GRID1: variants seen among roughly 807,000 people sequenced by gnomAD.
GRID1 encodes the protein glutamate receptor ionotropic, delta-1.
GRID1 carries 28 observed loss-of-function variants against 98.0 expected under a neutral mutation model. That is an observed-to-expected ratio of 0.29 (90% CI 0.21 to 0.39). The LOEUF (loss-of-function observed/expected upper bound fraction) is 0.39. GRID1 is among the 10% of genes least tolerant of loss of function. The probability of loss-of-function intolerance (pLI) is 1.00; values close to 1 mark genes in which losing one functional copy is unlikely to be tolerated. For missense variants in GRID1, 1,111 were observed against 1,340.5 expected (o/e 0.83, Z 2.67); for synonymous variants, 553 against 538.5 (o/e 1.03, Z -0.37).
At chr10:86,223,441 C>G (rs1003909821) in intron 2 of GRID1, among the ~76,000 whole-genome samples, 1 of 152,248 alleles carries the variant, frequency 6.6e-6, no homozygotes, top group Non-Finnish European at 1.5e-5. Flanking sequence ...TGCAGGCACA[C>G]CACCCACAGG....
intron 4 of GRID1, among the ~76,000 whole-genome samples, chr10:85,977,979 G>T (rs1305975436): frequency 6.6e-6 from 1 of 152,300 alleles, no homozygotes; most frequent in Middle Eastern, 3.4e-3. Flanking sequence ...ACATGAGAGT[G>T]CCGAGGTCAA....
chr10:85,724,389 G>T lies in GRID1; in HGVS notation c.1821C>A (p.Ser607Arg), dbSNP rs200091837. The stretch of plus-strand genomic sequence containing the variant: ...AGGCTCCATAGACAATCCAGATGGC[G>T]CTGTGCAGAGTGGCAGAAGCTGACG... ...PRPSASATLH[S>R]AIWIVYGAFV... Residue 607 changes from serine (S) to arginine (R), a missense_variant, in exon 11 of 16, where the codon AGC (serine) becomes AGA (arginine). Around this residue, in one of 3 missense-constraint regions of GRID1, gnomAD observed 762 missense variants for 869.1 expected, o/e 0.88. Coordinates refer to ENST00000327946, the MANE Select transcript of GRID1 (RefSeq NM_017551.3). 5 of 1,614,100 alleles carry T rather than the reference G, an allele frequency of 3.1e-6. No individual in the cohort carries two copies. Among genetic ancestry groups the T allele is most frequent in the East Asian group, 2.2e-5 (1 of 44,868 alleles).
intron 4 of GRID1, among the ~76,000 whole-genome samples, chr10:86,136,883 C>T (rs959015537): frequency 6.6e-6 from 1 of 152,150 alleles, no homozygotes; most frequent in African/African-American, 2.4e-5. Flanking sequence ...TGATGGGATC[C>T]GTACTCTAAA....
At chr10:85,613,716 C>G in intron 14 of GRID1, 69 bp from the exon 15 acceptor site, 1 of 1,555,696 alleles carries the variant, frequency 6.4e-7, no homozygotes, top group Non-Finnish European at 8.7e-7. Flanking sequence ...GCCCTGGCCC[C>G]TGCCCCACCA....
chr10:85,760,218 T>C (rs778074997), intron 8 of GRID1, among the ~76,000 whole-genome samples: 1 of 152,240 alleles, frequency 6.6e-6, no homozygotes, highest in Non-Finnish European at 1.5e-5. Context: ...ACATGAAAAG[T>C]GCTGACCATC....
intron 4 of GRID1, among the ~76,000 whole-genome samples, chr10:86,057,043 G>A (rs1843584474): frequency 6.6e-6 from 1 of 152,174 alleles, no homozygotes. Context: ...CTGTCCCTGG[G>A]ACTCAGGCTG....
chr10:85,960,402 C>T (rs921534080), intron 4 of GRID1, among the ~76,000 whole-genome samples: 2 of 151,914 alleles, frequency 1.3e-5, no homozygotes, highest in African/African-American at 4.9e-5. Flanking sequence ...GATGCAGAGT[C>T]AGGAAAAGGT....
At chr10:86,126,049 A>G (rs1844747725) in intron 4 of GRID1, among the ~76,000 whole-genome samples, 1 of 152,082 alleles carries the variant, frequency 6.6e-6, no homozygotes, top group African/African-American at 2.4e-5. Flanking sequence ...CACATTGTTC[A>G]AGGGTCAACT....
intron 12 of GRID1, among the ~76,000 whole-genome samples, chr10:85,703,116 C>T (rs533481775): frequency 1.3e-5 from 2 of 151,828 alleles, no homozygotes; most frequent in African/African-American, 4.8e-5. Context: ...AGAAGGCAAT[C>T]GAGCAAATTC....
At chr10:85,800,265 A>G (rs1842563668) in intron 8 of GRID1, among the ~76,000 whole-genome samples, 1 of 152,060 alleles carries the variant, frequency 6.6e-6, no homozygotes, top group Non-Finnish European at 1.5e-5. Flanking sequence ...GAACAACACA[A>G]TTTAATGAGC....
chr10:86,289,216 T>C (rs547531593), intron 2 of GRID1, among the ~76,000 whole-genome samples: 2 of 152,050 alleles, frequency 1.3e-5, no homozygotes, highest in Non-Finnish European at 2.9e-5. Flanking sequence ...GACCAATTAA[T>C]GCCCAGGAAC....
chr10:86,364,157 G>A, intron 1 of GRID1, 61 bp from the exon 2 acceptor site: 7 of 1,455,038 alleles, frequency 4.8e-6, no homozygotes, highest in Non-Finnish European at 6.7e-6. Flanking sequence ...GCTTCCCTTG[G>A]CCCGAGGGTC....
intron 4 of GRID1, among the ~76,000 whole-genome samples, chr10:85,930,132 A>G (rs973135892): frequency 4.0e-5 from 6 of 151,032 alleles, no homozygotes; most frequent in Non-Finnish European, 5.9e-5. Flanking sequence ...GTTATTTATA[A>G]CTACAAATAA....
chr10:85,847,770 T>C (rs939526408), intron 8 of GRID1, among the ~76,000 whole-genome samples: 2 of 152,060 alleles, frequency 1.3e-5, no homozygotes, highest in Non-Finnish European at 2.9e-5. Flanking sequence ...GTAAACAGTA[T>C]CTACTTTGTG....
At position 85,602,374 on chromosome 10, in the gene GRID1, G is replaced by A. The variant is rs770555419; in HGVS notation, c.2929C>T (p.Arg977Trp). 30 of 1,605,488 alleles carry A rather than the reference G, an allele frequency of 1.9e-5. No homozygotes were observed. The highest frequency in any genetic ancestry group is 2.2e-5 in the East Asian group (1 of 44,654). Residue 977 changes from arginine to tryptophan, a missense_variant, in exon 16 of 16, where the codon CGG becomes TGG. By Grantham distance (101) the Arg-to-Trp change is moderately radical (BLOSUM62 -3). This residue lies in a region of GRID1 where 762 missense variants were observed against 869.1 expected (regional missense o/e 0.88). Coordinates refer to ENST00000327946, the MANE Select transcript of GRID1 (RefSeq NM_017551.3). ...ATGGGGGTCTTCACCGGGCTCTGCCGGAACAGCCCCCCGTTGGGTGACCTG... is the reference window on the plus strand; with the variant it reads ...ATGGGGGTCTTCACCGGGCTCTGCCAGAACAGCCCCCCGTTGGGTGACCTG... ...KHRSPNGGLFRQSPVKTPIPM... is the reference protein window; with the variant it reads ...KHRSPNGGLFWQSPVKTPIPM...
At chr10:86,144,681 G>T (rs1033262521) in intron 3 of GRID1, among the ~76,000 whole-genome samples, 1 of 152,074 alleles carries the variant, frequency 6.6e-6, no homozygotes, top group African/African-American at 2.4e-5. Context: ...CTCTCCCCCT[G>T]GGCTTGCAGG....
chr10:85,890,881 T>C (rs988029216), intron 5 of GRID1, among the ~76,000 whole-genome samples: 1 of 152,220 alleles, frequency 6.6e-6, no homozygotes. Flanking sequence ...TTTTAAACTA[T>C]GACCTGAGTA....
intron 2 of GRID1, among the ~76,000 whole-genome samples, chr10:86,214,366 C>T (rs1396286638): frequency 1.3e-5 from 2 of 152,208 alleles, no homozygotes; most frequent in African/African-American, 4.8e-5. Context: ...TTCTCCTTCT[C>T]CTGTGTGCTG....
intron 4 of GRID1, among the ~76,000 whole-genome samples, chr10:86,091,584 T>A (rs1033545289): frequency 2.0e-5 from 3 of 151,774 alleles, no homozygotes; most frequent in Non-Finnish European, 4.4e-5. Flanking sequence ...CATATAACCT[T>A]GGGAGTTCTA....
Sources: allele counts gnomAD v4.1 joint callset (sites outside exome capture counted in the v4.1 genomes callset), GRCh38; gene constraint gnomAD v4.1.1; regional missense constraint gnomAD v4.1.1; transcripts MANE v1.5; gene names NCBI Gene and HGNC (gene_info 2026-07-23, HGNC 2026-07-21).